The following KCND2 variants were observed in gnomAD, a reference collection of about 807,000 sequenced individuals.
KCND2 encodes A-type voltage-gated potassium channel KCND2.
KCND2 carries 16 observed loss-of-function variants against 54.4 expected under a neutral mutation model. That is an observed-to-expected ratio of 0.29 (90% CI 0.20 to 0.45). The LOEUF (loss-of-function observed/expected upper bound fraction) is 0.45, where lower values mean the gene tolerates loss of function less well. Among genes scored for constraint, KCND2 ranks in the 20% least tolerant of loss-of-function variants. The pLI is 1.00. For synonymous variants in KCND2, 317 were observed against 310.7 expected (o/e 1.02, Z -0.21); for missense variants, 486 against 824.2 (o/e 0.59, Z 5.02).
At chr7:120,615,912 T>C (rs1793017908) in intron 1 of KCND2, among the ~76,000 whole-genome samples, 1 of 152,192 alleles carries the variant, frequency 6.6e-6, no homozygotes, top group Non-Finnish European at 1.5e-5. Context: ...AGTTCCATGG[T>C]CAACTTGTGT....
intron 1 of KCND2, among the ~76,000 whole-genome samples, chr7:120,494,973 C>T (rs1298398315): frequency 6.6e-6 from 1 of 152,144 alleles, no homozygotes; most frequent in Non-Finnish European, 1.5e-5. Flanking sequence ...CACCAGAGGA[C>T]ATAAATAGCC....
intron 1 of KCND2, among the ~76,000 whole-genome samples, chr7:120,631,328 T>G (rs1201010531): frequency 6.6e-6 from 1 of 152,090 alleles, no homozygotes; most frequent in Non-Finnish European, 1.5e-5. Flanking sequence ...ATAGTCAATT[T>G]CAATTTGAGG....
At chr7:120,617,039 A>G (rs894012677) in intron 1 of KCND2, among the ~76,000 whole-genome samples, 3 of 152,120 alleles carry the variant, frequency 2.0e-5, no homozygotes, top group African/African-American at 7.2e-5. Context: ...TTGTGTATTA[A>G]CCCCATCAGT....
intron 1 of KCND2, among the ~76,000 whole-genome samples, chr7:120,481,035 A>G (rs1173133681): frequency 6.6e-6 from 1 of 152,236 alleles, no homozygotes; most frequent in Admixed American, 6.5e-5. Flanking sequence ...AAATCTTCTT[A>G]GAGATTACTT....
intron 1 of KCND2, among the ~76,000 whole-genome samples, chr7:120,549,390 T>A (rs1792079905): frequency 6.6e-6 from 1 of 152,104 alleles, no homozygotes; most frequent in African/African-American, 2.4e-5. Context: ...GAATGTGAGG[T>A]GAAAGCAAGA....
At position 120,748,199 on chromosome 7, in the gene KCND2, CA is replaced by C. The variant is rs974520868; in HGVS notation, c.*349del. On this transcript the variant is annotated 3_prime_UTR_variant, in exon 6 of 6. Coordinates refer to ENST00000331113, the MANE Select transcript of KCND2 (RefSeq NM_012281.3). ...CATAATGTTCCAGTTGAATGCAAAA[CA>C]AAAAAAATATGGAAAACATTTTGAT... 2.4e-4 allele frequency: 40 copies of C among 166,846 alleles called. No homozygotes were observed. The highest frequency in any genetic ancestry group is 6.7e-4 in the South Asian group (4 of 5,926). 10.3% of individuals were successfully genotyped at this position (166,846 alleles called of 1,614,324 possible).
chr7:120,429,766 A>G (rs1801764203), intron 1 of KCND2, among the ~76,000 whole-genome samples: 1 of 152,208 alleles, frequency 6.6e-6, no homozygotes, highest in Non-Finnish European at 1.5e-5. Context: ...TTAAATGTTC[A>G]AGTAAAAATC....
chr7:120,473,970 G>C (rs915532270), intron 1 of KCND2, among the ~76,000 whole-genome samples: 1 of 152,118 alleles, frequency 6.6e-6, no homozygotes, highest in African/African-American at 2.4e-5. Context: ...GTTGCTGCTT[G>C]TCCTGTTGTC....
intron 1 of KCND2, among the ~76,000 whole-genome samples, chr7:120,333,933 AT>A (rs1800106417): frequency 6.6e-6 from 1 of 152,170 alleles, no homozygotes; most frequent in African/African-American, 2.4e-5. Context: ...TTAAAAATAT[AT>A]TTTAACATGT....
chr7:120,405,759 A>G lies in KCND2; in HGVS notation c.1115+130012A>G, dbSNP rs557134327. ...CTGAACTACTTGTCATCATAGGACT[A>G]ATTTGTCTTTCTAAAGGTAAAATCA... On this transcript the variant is annotated intron_variant, in intron 1 of 5. Transcript: ENST00000331113. 1.5e-3 allele frequency among the ~76,000 whole-genome samples: 225 copies of G among 152,218 alleles called. 1 individual carries two copies. The highest frequency in any genetic ancestry group is 1.6e-3 in the Non-Finnish European group (106 of 67,974).
At chr7:120,681,896 G>C (rs1792144333) in intron 1 of KCND2, among the ~76,000 whole-genome samples, 1 of 151,720 alleles carries the variant, frequency 6.6e-6, no homozygotes, top group Non-Finnish European at 1.5e-5. Flanking sequence ...GGCTAACTAA[G>C]CAGCTAATAC....
chr7:120,531,272 A>C (rs1366092809), intron 1 of KCND2, among the ~76,000 whole-genome samples: 1 of 152,126 alleles, frequency 6.6e-6, no homozygotes, highest in Non-Finnish European at 1.5e-5. Flanking sequence ...CCTTTAAAAA[A>C]GGCAATTCAA....
At chr7:120,470,333 T>C (rs1802435735) in intron 1 of KCND2, among the ~76,000 whole-genome samples, 1 of 152,112 alleles carries the variant, frequency 6.6e-6, no homozygotes, top group African/African-American at 2.4e-5. Context: ...ACTAGCAATG[T>C]CCATAAGTCT....
chr7:120,542,192 GATA>G (rs1791987613), intron 1 of KCND2, among the ~76,000 whole-genome samples: 1 of 152,086 alleles, frequency 6.6e-6, no homozygotes, highest in African/African-American at 2.4e-5. Flanking sequence ...ATTTTCAGAT[GATA>G]ATATCAATAT....
intron 1 of KCND2, among the ~76,000 whole-genome samples, chr7:120,405,958 A>T (rs1801349406): frequency 2.0e-5 from 3 of 152,102 alleles, no homozygotes; most frequent in South Asian, 2.1e-4. Flanking sequence ...TGATTTTTTT[A>T]AAAAGGAAAA....
intron 1 of KCND2, among the ~76,000 whole-genome samples, chr7:120,436,477 TA>T (rs1448362904): frequency 2.0e-5 from 3 of 152,232 alleles, no homozygotes; most frequent in African/African-American, 7.2e-5. Context: ...AACCTCTGCA[TA>T]AGCTCAGGTG....
intron 1 of KCND2, among the ~76,000 whole-genome samples, chr7:120,568,259 G>T (rs1792322278): frequency 1.3e-5 from 2 of 151,970 alleles, no homozygotes; most frequent in African/African-American, 4.8e-5. Flanking sequence ...CAGCCCTAAA[G>T]CTCCATAAGT....
At chr7:120,378,747 A>G (rs1800871330) in intron 1 of KCND2, among the ~76,000 whole-genome samples, 1 of 151,990 alleles carries the variant, frequency 6.6e-6, no homozygotes, top group African/African-American at 2.4e-5. Context: ...CAAAAATGCC[A>G]ACATCTCAAA....
At chr7:120,306,664 T>C (rs1015998081) in intron 1 of KCND2, among the ~76,000 whole-genome samples, 5 of 152,100 alleles carry the variant, frequency 3.3e-5, no homozygotes, top group African/African-American at 1.2e-4. Flanking sequence ...AAAAACTTTC[T>C]CTATGAAACT....
Sources: gnomAD v4.1 joint callset for allele counts (sites outside exome capture counted in the v4.1 genomes callset) on GRCh38, gnomAD v4.1.1 for gene constraint, MANE v1.5 for transcripts, NCBI Gene and HGNC (gene_info 2026-07-23, HGNC 2026-07-21) for gene names.